Variants in CUX2 observed in about 807,000 individuals in gnomAD.
CUX2 encodes the protein homeobox protein cut-like 2.
In CUX2, 40 loss-of-function variants were observed where a neutral mutation model predicts 144.8. The observed-to-expected ratio is 0.28, with a 90% CI of 0.21 to 0.36. CUX2 has a LOEUF of 0.36. CUX2 is among the 10% of genes least tolerant of loss of function. The pLI is 1.00. For synonymous variants in CUX2, 827 were observed against 875.6 expected (o/e 0.94, Z 0.98); for missense variants, 1,615 against 1,994.0 (o/e 0.81, Z 3.62).
At chr12:111,048,198 G>A (rs941812868) in intron 1 of CUX2, among the ~76,000 whole-genome samples, 12 of 152,220 alleles carry the variant, frequency 7.9e-5, no homozygotes, top group African/African-American at 2.9e-4. Context: ...GGAGAAACGA[G>A]ATCCAATTTA....
In CUX2 at chr12:111,094,346, C is replaced by T. The variant is rs117219827; in HGVS notation, c.63+60106C>T. Among the ~76,000 whole-genome samples the T allele has an allele frequency of 9.9e-4, 151 of 152,294 alleles. 2 individuals are homozygous for T. The East Asian group carries it at 0.02, about 20-fold the overall frequency. Reference sequence around the variant, plus strand: ...AAGGGCCCGAGAAGTGGACGGGGACCGGGAGCGGGCAGAGGGAGGCAAGGG... The same window carrying T: ...AAGGGCCCGAGAAGTGGACGGGGACTGGGAGCGGGCAGAGGGAGGCAAGGG... On this transcript the variant is annotated intron_variant, in intron 1 of 21. Transcript: ENST00000261726.
intron 4 of CUX2, among the ~76,000 whole-genome samples, chr12:111,282,776 G>A (rs1222634091): frequency 2.6e-5 from 4 of 152,116 alleles, no homozygotes; most frequent in African/African-American, 4.8e-5. Flanking sequence ...CTTGCAGACA[G>A]CTGCCTTCTT....
intron 18 of CUX2, among the ~76,000 whole-genome samples, chr12:111,324,076 T>C (rs959410080): frequency 2.0e-5 from 3 of 151,070 alleles, no homozygotes; most frequent in Non-Finnish European, 4.4e-5. Context: ...ATAGGCCGGG[T>C]GTGATGGCTC....
At chr12:111,192,925 T>G (rs1244655829) in intron 1 of CUX2, among the ~76,000 whole-genome samples, 6 of 152,226 alleles carry the variant, frequency 3.9e-5, no homozygotes, top group Non-Finnish European at 8.8e-5. Flanking sequence ...TGTCTCAGTT[T>G]TAATTTTGAA....
intron 1 of CUX2, among the ~76,000 whole-genome samples, chr12:111,050,363 G>C (rs1456354031): frequency 6.6e-6 from 1 of 152,090 alleles, no homozygotes; most frequent in African/African-American, 2.4e-5. Context: ...CTGCCTCCCA[G>C]CTCTCCAGTC....
chr12:111,249,950 T>C (rs146390495), intron 3 of CUX2, among the ~76,000 whole-genome samples: 17 of 152,284 alleles, frequency 1.1e-4, no homozygotes, highest in Non-Finnish European at 2.4e-4. Context: ...GTCCATACTT[T>C]ACGTGAGGGG....
chr12:111,347,237 G>A lies in CUX2; in HGVS notation c.3660-287G>A, dbSNP rs537399987. Among the ~76,000 whole-genome samples the A allele has an allele frequency of 6.2e-4, 94 of 152,262 alleles. 1 individual carries two copies. Among genetic ancestry groups the A allele is most frequent in the Non-Finnish European group, 1.2e-3 (81 of 68,002 alleles). On this transcript the variant is annotated intron_variant, in intron 21 of 21. Transcript: ENST00000261726. Reference sequence around the variant, plus strand: ...CACAGGTCTAGATCATGAGCTTTGGGATTCAGTAGTCGTGTGTTCAAGTCT... The same window carrying A: ...CACAGGTCTAGATCATGAGCTTTGGAATTCAGTAGTCGTGTGTTCAAGTCT...
chr12:111,203,257 A>T (rs1232499351), intron 1 of CUX2, among the ~76,000 whole-genome samples: 1 of 146,278 alleles, frequency 6.8e-6, no homozygotes. Context: ...AAAAAAAATC[A>T]GTAAGGGCCA....
chr12:111,063,270 G>A (rs540548879), intron 1 of CUX2, among the ~76,000 whole-genome samples: 26 of 152,298 alleles, frequency 1.7e-4, no homozygotes, highest in Admixed American at 1.5e-3. Context: ...TTTCTGCCAT[G>A]TATTATTTAC....
chr12:111,215,434 C>T (rs905715301), intron 2 of CUX2, among the ~76,000 whole-genome samples: 4 of 152,174 alleles, frequency 2.6e-5, no homozygotes, highest in Non-Finnish European at 5.9e-5. Flanking sequence ...GTCTTTGGTT[C>T]TTCAAGGCAA....
rs1487717780 is a variant in CUX2, at chr12:111,178,179, C to T, written c.64-36021C>T. On this transcript the variant is annotated intron_variant, in intron 1 of 21. Transcript: ENST00000261726. This position sits in a 1 kb window ranked among gnomAD's most constrained non-coding sequence, Gnocchi z 5.7. Reference sequence around the variant, plus strand: ...AAGATGATCTATTTTATGTGATTCTCACCCCATTAACAGCCTGCAGCTTTG... The same window carrying T: ...AAGATGATCTATTTTATGTGATTCTTACCCCATTAACAGCCTGCAGCTTTG... Among the ~76,000 whole-genome samples the T allele has an allele frequency of 6.6e-6, 1 of 152,192 alleles. No homozygotes were observed. Among genetic ancestry groups the T allele is most frequent in the Non-Finnish European group, 1.5e-5 (1 of 68,034 alleles).
At chr12:111,223,966 T>C (rs908998526) in intron 3 of CUX2, among the ~76,000 whole-genome samples, 5 of 152,188 alleles carry the variant, frequency 3.3e-5, no homozygotes, top group African/African-American at 1.2e-4. Flanking sequence ...CTTAGCATCA[T>C]CTGTCTTTAT....
At chr12:111,259,527 G>C (rs1307359207) in intron 3 of CUX2, among the ~76,000 whole-genome samples, 1 of 152,104 alleles carries the variant, frequency 6.6e-6, no homozygotes, top group Admixed American at 6.5e-5. Context: ...AAGAACACAA[G>C]CCACATTTGT....
At chr12:111,200,796 CCTT>C (rs1880534524) in intron 1 of CUX2, among the ~76,000 whole-genome samples, 1 of 152,172 alleles carries the variant, frequency 6.6e-6, no homozygotes, top group African/African-American at 2.4e-5. Context: ...CTCTCTTCCT[CCTT>C]ATCACCCCTA....
intron 20 of CUX2, among the ~76,000 whole-genome samples, chr12:111,340,310 T>C (rs1401339059): frequency 6.6e-6 from 1 of 152,238 alleles, no homozygotes; most frequent in Non-Finnish European, 1.5e-5. Flanking sequence ...CTTCATGATC[T>C]GGGGTCAAGA....
chr12:111,314,701 A>G (rs749689312), intron 16 of CUX2, among the ~76,000 whole-genome samples: 1 of 148,380 alleles, frequency 6.7e-6, no homozygotes, highest in East Asian at 2.0e-4. Context: ...AAAATTAGCT[A>G]GGTGTGGTGG....
At chr12:111,241,591 C>T (rs1108297) in intron 3 of CUX2, among the ~76,000 whole-genome samples, 2,735 of 152,370 alleles carry the variant, frequency 0.018, 81 homozygotes, top group African/African-American at 0.062. Flanking sequence ...GGAGCACCTG[C>T]TCCAAGGAGC....
Position 111,206,044 on chromosome 12 carries a change from G to A in CUX2, c.64-8156G>A, listed in dbSNP as rs113923103. ...GAGAAGAAAACTCAAGACAAGAACC[G>A]GAAGACCAGGACAAGTGTAGTTGGT... On this transcript the variant is annotated intron_variant, in intron 1 of 21. Coordinates refer to ENST00000261726, the MANE Select transcript of CUX2 (RefSeq NM_015267.4). 7.1e-3 allele frequency among the ~76,000 whole-genome samples: 1,083 copies of A among 152,316 alleles called. 23 individuals are homozygous for A. Among genetic ancestry groups the A allele is most frequent in the African/African-American group, 0.025 (1,037 of 41,562 alleles).
rs937154928 is a variant in CUX2 at position 111,166,395 on chromosome 12, G to A, written c.64-47805G>A. ...GCTCCTAGCTCCATTCTGGAAAGCT[G>A]ACATTATCAGTTAGCTGAGTTCTGA... On this transcript the variant is annotated intron_variant, in intron 1 of 21. Transcript: ENST00000261726. Among the ~76,000 whole-genome samples, 4 of 152,170 alleles carry A rather than the reference G, an allele frequency of 2.6e-5. No homozygotes were observed. In the South Asian group the frequency reaches 8.3e-4, roughly 32 times the overall value.
Sources: allele counts gnomAD v4.1 joint callset (sites outside exome capture counted in the v4.1 genomes callset), GRCh38; gene constraint gnomAD v4.1.1; non-coding constraint Gnocchi (gnomAD v3.1); transcripts MANE v1.5; gene names NCBI Gene and HGNC (gene_info 2026-07-23, HGNC 2026-07-21).